Variants in PCMTD1 observed in about 807,000 individuals in gnomAD.
The protein encoded by PCMTD1 is protein-L-isoaspartate O-methyltransferase domain-containing protein 1.
A neutral mutation model predicts 37.6 loss-of-function variants in PCMTD1; 12 were observed. The observed-to-expected ratio is 0.32, with a 90% confidence interval of 0.20 to 0.52. The LOEUF (loss-of-function observed/expected upper bound fraction) is 0.52, where lower values mean the gene tolerates loss of function less well. Ranked by LOEUF, PCMTD1 falls within the 20% of genes least tolerant of loss-of-function variation. PCMTD1 has a pLI of 0.97. For missense variants in PCMTD1, 235 were observed against 421.3 expected (o/e 0.56, Z 3.87); for synonymous variants, 117 against 135.8 (o/e 0.86, Z 0.96).
chr8:51,854,748 A>T (rs916469888), intron 2 of PCMTD1, among the ~76,000 whole-genome samples: 4 of 152,108 alleles, frequency 2.6e-5, no homozygotes, highest in African/African-American at 9.7e-5. Context: ...ATGGCGGCAC[A>T]TGCCTGCAAT....
At position 51,846,062 on chromosome 8, in the gene PCMTD1, A is replaced by G. The variant is rs991831135; in HGVS notation, c.308-299T>C. ...GCTTATCTGGCAGGACAAAACTGCC[A>G]AAAGAATAGTATTTCTAAGTGAAGT... On this transcript the variant is annotated intron_variant, in intron 2 of 5. Transcript: ENST00000522514. Among the ~76,000 whole-genome samples, 7 of 152,236 alleles carry G rather than the reference A, an allele frequency of 4.6e-5. No individual in the cohort carries two copies. In the East Asian group the frequency reaches 7.7e-4, roughly 17 times the overall value.
rs561933233 is a variant in PCMTD1, at chr8:51,845,377, T to C, written c.410+284A>G. On this transcript the variant is annotated intron_variant, in intron 3 of 5. Coordinates refer to ENST00000522514, the MANE Select transcript of PCMTD1 (RefSeq NM_052937.4). Reference sequence around the variant, plus strand: ...CCAGACAAATATTGCAATCACAGCATTATTACACTGTATCTCCAGAAAAGA... The same window carrying C: ...CCAGACAAATATTGCAATCACAGCACTATTACACTGTATCTCCAGAAAAGA... The C allele has an allele frequency of 1.3e-4, 38 of 287,866 alleles. No homozygotes were observed. The East Asian group carries it at 2.7e-3, about 20-fold the overall frequency. The allele number at this position is 287,866 out of a possible 1,614,324, so 17.8% of individuals were successfully genotyped here. A position where few individuals can be genotyped will look rare whatever the true frequency, so the allele number is the denominator to read the frequency against.
chr8:51,860,035 A>C (rs1377797308), intron 2 of PCMTD1, among the ~76,000 whole-genome samples: 1 of 152,200 alleles, frequency 6.6e-6, no homozygotes, highest in African/African-American at 2.4e-5. Flanking sequence ...CCTCCATCCA[A>C]CATAATGTCT....
intron 3 of PCMTD1, among the ~76,000 whole-genome samples, chr8:51,838,843 TAC>T (rs879657767): frequency 3.9e-5 from 6 of 152,158 alleles, no homozygotes; most frequent in Admixed American, 6.5e-5. Flanking sequence ...TTTATAAAAT[TAC>T]ACACATAGGT....
In PCMTD1 at chr8:51,850,177, T is replaced by A. The variant is rs556154885; in HGVS notation, c.308-4414A>T. 178 of 682,146 alleles carry A rather than the reference T, an allele frequency of 2.6e-4. No homozygotes were observed. The African/African-American group carries it at 2.9e-3, about 11-fold the overall frequency. The allele number at this position is 682,146 out of a possible 1,614,324, so 42.3% of individuals were successfully genotyped here. A position where few individuals can be genotyped will look rare whatever the true frequency, so the allele number is the denominator to read the frequency against. ...TAACTGTTGTATAATCTAAGACCAG[T>A]CACTGTAAGACCGGTTCCCACTGTA... On this transcript the variant is annotated intron_variant, in intron 2 of 5. Transcript: ENST00000522514.
intron 5 of PCMTD1, among the ~76,000 whole-genome samples, chr8:51,822,610 T>C (rs1370112808): frequency 1.3e-5 from 2 of 152,236 alleles, no homozygotes; most frequent in Non-Finnish European, 2.9e-5. Context: ...AATAACTGAA[T>C]GCTAGGAGAT....
At chr8:51,878,002 C>CA (rs1726690576) in intron 1 of PCMTD1, among the ~76,000 whole-genome samples, 1 of 152,128 alleles carries the variant, frequency 6.6e-6, no homozygotes, top group African/African-American at 2.4e-5. Context: ...AAAATGCAAG[C>CA]AACTAATGAA....
chr8:51,885,499 TGAAAA>T (rs1310721461), intron 1 of PCMTD1, among the ~76,000 whole-genome samples: 1 of 152,224 alleles, frequency 6.6e-6, no homozygotes, highest in Non-Finnish European at 1.5e-5. Flanking sequence ...GCAGTCGGCT[TGAAAA>T]GAACTTGTTA....
chr8:51,817,848 G>C lies in PCMTD1; in HGVS notation c.*2503C>G, dbSNP rs1299545694. 3 of 456,662 alleles carry C rather than the reference G, an allele frequency of 6.6e-6. No individual in the cohort carries two copies. The highest frequency in any genetic ancestry group is 1.3e-5 in the Non-Finnish European group (3 of 226,998). 28.3% of individuals were successfully genotyped at this position (456,662 alleles called of 1,614,324 possible). A position where few individuals can be genotyped will look rare whatever the true frequency, so the allele number is the denominator to read the frequency against. On this transcript the variant is annotated 3_prime_UTR_variant, in exon 6 of 6. Coordinates refer to ENST00000522514, the MANE Select transcript of PCMTD1 (RefSeq NM_052937.4). ...GATTCTTGGGATTGATCTGATGCTA[G>C]AAGCTATCTTAGGCCCTGTCTCTAA...
At chr8:51,889,979 A>G (rs1015121790) in intron 1 of PCMTD1, among the ~76,000 whole-genome samples, 3 of 145,836 alleles carry the variant, frequency 2.1e-5, no homozygotes, top group Non-Finnish European at 4.4e-5. Flanking sequence ...CTAAACAGTG[A>G]TAACTGAACA....
intron 1 of PCMTD1, among the ~76,000 whole-genome samples, chr8:51,862,286 T>G (rs2038483604): frequency 6.6e-6 from 1 of 152,106 alleles, no homozygotes; most frequent in Non-Finnish European, 1.5e-5. Flanking sequence ...TAGTAAACCT[T>G]GTTGTGACAG....
At chr8:51,825,693 T>A in intron 5 of PCMTD1, among the ~76,000 whole-genome samples, 1 of 15,198 alleles carries the variant, frequency 6.6e-5, no homozygotes, top group African/African-American at 7.3e-5. Flanking sequence ...AGAGCGAGAC[T>A]CCGTCTCAAA....
chr8:51,827,237 AT>A, intron 5 of PCMTD1: 2 of 1,142,984 alleles, frequency 1.7e-6, no homozygotes, highest in South Asian at 1.7e-5. Context: ...TTCCTGACTT[AT>A]TTTTATAAGT....
intron 1 of PCMTD1, 125 bp downstream of exon 1, chr8:51,898,805 C>G (rs2039050993): frequency 2.0e-6 from 2 of 985,462 alleles, no homozygotes; most frequent in South Asian, 4.8e-5. Context: ...CCCCCTGCCC[C>G]CGACTCTTCG....
At chr8:51,894,707 T>C (rs1563367096) in intron 1 of PCMTD1, among the ~76,000 whole-genome samples, 2 of 151,854 alleles carry the variant, frequency 1.3e-5, no homozygotes. Flanking sequence ...ACCTAGAGAT[T>C]AATGTCTCTT....
chr8:51,828,625 C>T (rs1240181773), intron 5 of PCMTD1, among the ~76,000 whole-genome samples: 1 of 152,214 alleles, frequency 6.6e-6, no homozygotes, highest in East Asian at 1.9e-4. Flanking sequence ...GGACCATCTG[C>T]TGTGTTGCCA....
rs1298878856 is a variant in PCMTD1 at position 51,818,488 on chromosome 8, C to A, written c.*1863G>T. ...TTTTCCAGATAAAAACATGTGGTCA[C>A]CAGGAATTCAAGGTAACTAGGTACT... On this transcript the variant is annotated 3_prime_UTR_variant, in exon 6 of 6. Coordinates refer to ENST00000522514, the MANE Select transcript of PCMTD1 (RefSeq NM_052937.4). 6.6e-6 allele frequency: 1 copy of A among 152,204 alleles called. No homozygotes were observed. The highest frequency in any genetic ancestry group is 2.4e-5 in the African/African-American group (1 of 41,262). 9.4% of individuals were successfully genotyped at this position (152,204 alleles called of 1,614,324 possible).
chr8:51,850,087 C>CT (rs1380771410), intron 2 of PCMTD1: 3 of 702,324 alleles, frequency 4.3e-6, no homozygotes, highest in South Asian at 1.5e-5. Flanking sequence ...GGTCAAAATA[C>CT]TGGTGTGGTG....
At chr8:51,854,049 A>G (rs1158663001) in intron 2 of PCMTD1, among the ~76,000 whole-genome samples, 1 of 152,172 alleles carries the variant, frequency 6.6e-6, no homozygotes, top group Non-Finnish European at 1.5e-5. Context: ...TACATAGACA[A>G]TCTTGGTTGG....
Sources: allele counts gnomAD v4.1 joint callset (sites outside exome capture counted in the v4.1 genomes callset), GRCh38; gene constraint gnomAD v4.1.1; transcripts MANE v1.5; gene names NCBI Gene and HGNC (gene_info 2026-07-23, HGNC 2026-07-21).